GRHL2: variants seen among roughly 807,000 people sequenced by gnomAD.
GRHL2 encodes the protein grainyhead-like protein 2 homolog.
Under a neutral mutation model 83.8 loss-of-function variants are expected in GRHL2, and 21 were observed. The ratio of observed to expected loss-of-function variants is 0.25; its 90% CI spans 0.18 to 0.36. The LOEUF (loss-of-function observed/expected upper bound fraction) is 0.36. GRHL2 is among the 10% of genes least tolerant of loss of function. The pLI, the probability that GRHL2 is intolerant of heterozygous loss-of-function variation, is 1.00. For missense variants in GRHL2, 623 were observed against 781.8 expected, an observed-to-expected ratio of 0.80 and a Z score of 2.42; for synonymous variants, 280 against 278.9, an observed-to-expected ratio of 1.00 and a Z score of -0.04.
At chr8:101,681,180 CA>C in the GRHL2 span, among the ~76,000 whole-genome samples, 1 of 139,102 alleles carries the variant, frequency 7.2e-6, no homozygotes, top group African/African-American at 2.8e-5. Flanking sequence ...AGACCGCTAG[CA>C]AGACTAATAA....
intron 7 of GRHL2, among the ~76,000 whole-genome samples, chr8:101,591,293 T>C (rs1812276793): frequency 6.6e-6 from 1 of 152,180 alleles, no homozygotes. Flanking sequence ...GCAACGTTTA[T>C]CATCATTTCC....
At chr8:101,579,745 G>A (rs1812010725) in intron 7 of GRHL2, among the ~76,000 whole-genome samples, 1 of 152,170 alleles carries the variant, frequency 6.6e-6, no homozygotes, top group Non-Finnish European at 1.5e-5. Flanking sequence ...ACATAAAGGA[G>A]CACCGATGGT....
chr8:101,513,730 A>G (rs1367800970), intron 1 of GRHL2, among the ~76,000 whole-genome samples: 2 of 152,016 alleles, frequency 1.3e-5, no homozygotes, highest in African/African-American at 4.8e-5. Flanking sequence ...TCCTGACCTC[A>G]GGTGATCTTC....
chr8:101,547,350 T>A (rs1811287749), intron 2 of GRHL2, among the ~76,000 whole-genome samples: 1 of 152,228 alleles, frequency 6.6e-6, no homozygotes. Flanking sequence ...GAGGATGAAT[T>A]GATTCTATTT....
At chr8:101,673,942 C>G (rs141170351), downstream of GRHL2, among the ~76,000 whole-genome samples, 1 of 151,982 alleles carries the variant, frequency 6.6e-6, no homozygotes, top group Non-Finnish European at 1.5e-5. Context: ...CTGAGCAACC[C>G]GCTCCTGAAT....
At chr8:101,570,504 G>C in intron 5 of GRHL2, 110 bp downstream of exon 5, 1 of 908,484 alleles carries the variant, frequency 1.1e-6, no homozygotes, top group South Asian at 1.3e-5. Flanking sequence ...GTACAGAACA[G>C]TGTGATTTCC....
At chr8:101,549,552 C>T (rs1323039930) in intron 2 of GRHL2, among the ~76,000 whole-genome samples, 2 of 152,142 alleles carry the variant, frequency 1.3e-5, no homozygotes, top group East Asian at 3.8e-4. Flanking sequence ...GGACTTTGTG[C>T]CACCTGGTTG....
chr8:101,612,984 C>T (rs538043827), intron 8 of GRHL2, among the ~76,000 whole-genome samples: 1 of 150,992 alleles, frequency 6.6e-6, no homozygotes, highest in East Asian at 1.9e-4. Context: ...TGCCACTGGT[C>T]AGGGGCCAAG....
At chr8:101,556,796 A>T (rs1313852728) in intron 3 of GRHL2, among the ~76,000 whole-genome samples, 1 of 152,250 alleles carries the variant, frequency 6.6e-6, no homozygotes, top group African/African-American at 2.4e-5. Context: ...AGGTGCCCAC[A>T]GAATGGTAAA....
chr8:101,595,653 G>A lies in GRHL2; in HGVS notation c.1004-3404G>A, dbSNP rs187485570. ...ATTTAAAATCATCCCAAGTATAGTC[G>A]TATAACCTTATTCTAAATTTGAAAG... On this transcript the variant is annotated intron_variant, in intron 7 of 15. Coordinates refer to ENST00000646743, the MANE Select transcript of GRHL2 (RefSeq NM_024915.4). Among the ~76,000 whole-genome samples, 26 of 152,098 alleles carry A rather than the reference G, an allele frequency of 1.7e-4. 1 individual carries two copies. Among genetic ancestry groups the A allele is most frequent in the African/African-American group, 5.5e-4 (23 of 41,500 alleles).
At chr8:101,583,231 A>G (rs759831871) in intron 7 of GRHL2, among the ~76,000 whole-genome samples, 1 of 152,196 alleles carries the variant, frequency 6.6e-6, no homozygotes, top group Non-Finnish European at 1.5e-5. Flanking sequence ...ATTCTGAGCC[A>G]GCATGTGGGA....
Position 101,558,795 on chromosome 8 carries a change from A to G in GRHL2, c.661A>G (p.Lys221Glu). ...GGACAGCACATACAGCGAGAGCTTCAAGGACGCAGCCACAGAGGTGAGTCC... is the reference window on the plus strand; with the variant it reads ...GGACAGCACATACAGCGAGAGCTTCGAGGACGCAGCCACAGAGGTGAGTCC... The part of the protein sequence containing the change: ...TPDSTYSESF[K>E]DAATEKFRSA... Residue 221 changes from lysine (K) to glutamate (E), a missense_variant, in exon 4 of 16, where the codon AAG (lysine) becomes GAG (glutamate). By Grantham distance (56) the Lys-to-Glu change is moderately conservative. Transcript: ENST00000646743. 6.2e-7 allele frequency: 1 copy of G among 1,614,094 alleles called. No individual in the cohort carries two copies. The highest frequency in any genetic ancestry group is 8.5e-7 in the Non-Finnish European group (1 of 1,179,994).
At chr8:101,606,341 A>G (rs1446604836) in intron 8 of GRHL2, among the ~76,000 whole-genome samples, 1 of 152,198 alleles carries the variant, frequency 6.6e-6, no homozygotes, top group Non-Finnish European at 1.5e-5. Flanking sequence ...GTGAGGAGAC[A>G]TGTTGATATT....
At chr8:101,582,142 G>A (rs891099635) in intron 7 of GRHL2, among the ~76,000 whole-genome samples, 1 of 151,374 alleles carries the variant, frequency 6.6e-6, no homozygotes, top group Non-Finnish European at 1.5e-5. Flanking sequence ...GGAGACTGAG[G>A]CAGGAGAATC....
chr8:101,571,615 G>A (rs1178082123), intron 5 of GRHL2, among the ~76,000 whole-genome samples: 1 of 151,978 alleles, frequency 6.6e-6, no homozygotes, highest in Non-Finnish European at 1.5e-5. Flanking sequence ...AAGGTCATCA[G>A]GGCCCTCTAT....
chr8:101,673,837 C>G (rs1339358277), downstream of GRHL2, among the ~76,000 whole-genome samples: 1 of 152,008 alleles, frequency 6.6e-6, no homozygotes, highest in Non-Finnish European at 1.5e-5. Context: ...TGTAAAAGAA[C>G]AGAAATTATA....
chr8:101,554,925 T>C (rs1811460724), intron 3 of GRHL2, among the ~76,000 whole-genome samples: 1 of 152,242 alleles, frequency 6.6e-6, no homozygotes, highest in African/African-American at 2.4e-5. Context: ...TAAAACTGTT[T>C]AACAGAGGCA....
chr8:101,656,759 G>C (rs908868414), intron 14 of GRHL2, among the ~76,000 whole-genome samples: 4 of 152,206 alleles, frequency 2.6e-5, no homozygotes, highest in African/African-American at 9.7e-5. Context: ...GAGGATAAAT[G>C]AGTGTGTATA....
rs186582197 is a variant in GRHL2 at position 101,664,618 on chromosome 8, C to T, written c.1763+100C>T. On this transcript the variant is annotated intron_variant, in intron 15 of 15. Transcript: ENST00000646743. ...CCTGTCTTTTGTTAGGTCTGTTGCCCACTTTTCATAAAAATTGTGTCCTTC... is the reference window on the plus strand; with the variant it reads ...CCTGTCTTTTGTTAGGTCTGTTGCCTACTTTTCATAAAAATTGTGTCCTTC... The T allele has an allele frequency of 1.1e-5, 9 of 841,094 alleles. No individual in the cohort carries two copies. In the Admixed American group the frequency reaches 1.2e-4, roughly 11 times the overall value. 52.1% of individuals were successfully genotyped at this position (841,094 alleles called of 1,614,324 possible). A position where few individuals can be genotyped will look rare whatever the true frequency, so the allele number is the denominator to read the frequency against.
Sources: gnomAD v4.1 joint callset for allele counts (sites outside exome capture counted in the v4.1 genomes callset) on GRCh38, gnomAD v4.1.1 for gene constraint, MANE v1.5 for transcripts, NCBI Gene and HGNC (gene_info 2026-07-23, HGNC 2026-07-21) for gene names.